The following AREL1 variants were observed in gnomAD, a reference collection of about 807,000 sequenced individuals.
AREL1 encodes the protein apoptosis resistant E3 ubiquitin protein ligase 1.
Under a neutral mutation model 99.0 loss-of-function variants are expected in AREL1, and 62 were observed. The observed-to-expected ratio is 0.63, with a 90% confidence interval of 0.51 to 0.77. The LOEUF (loss-of-function observed/expected upper bound fraction) is 0.77. Among genes scored for constraint, AREL1 ranks in the 30% least tolerant of loss-of-function variants. The pLI is 0.00. For missense variants in AREL1, 879 were observed against 1,027.6 expected (o/e 0.86, Z 1.98); for synonymous variants, 380 against 376.5 (o/e 1.01, Z -0.11).
chr14:74,679,735 G>A (rs1404912954), intron 5 of AREL1, among the ~76,000 whole-genome samples: 1 of 152,270 alleles, frequency 6.6e-6, no homozygotes, highest in Admixed American at 6.5e-5. Flanking sequence ...GGCTGAGGCA[G>A]GAGAATTGCT....
intron 15 of AREL1, among the ~76,000 whole-genome samples, chr14:74,667,889 G>A (rs751504568): frequency 1.3e-5 from 2 of 152,188 alleles, no homozygotes; most frequent in Non-Finnish European, 2.9e-5. Context: ...ATGGCTCCTC[G>A]CTAGCAATGT....
In AREL1 at chr14:74,663,999, C is replaced by T; in HGVS notation, c.2269G>A (p.Gly757Ser). The T allele has an allele frequency of 6.2e-7, 1 of 1,614,198 alleles. No homozygotes were observed. The highest frequency in any genetic ancestry group is 8.5e-7 in the Non-Finnish European group (1 of 1,180,040). Residue 757 changes from glycine (G) to serine (S), a missense_variant, in exon 19 of 20, where the codon GGC becomes AGC. Physicochemically the swap from Gly to Ser is moderately conservative, Grantham distance 56. Coordinates refer to ENST00000356357, the MANE Select transcript of AREL1 (RefSeq NM_001039479.2). The stretch of plus-strand genomic sequence containing the variant: ...CCTCCAGGTGGTAGCTGAGAGGAGC[C>T]TGTTGTGAACTGAAGTAGCCGAGCC... ...ELARLLQFTT[G>S]SSQLPPGGFA...
intron 6 of AREL1, 85 bp from the exon 7 acceptor site, chr14:74,676,406 T>C (rs2139890930): frequency 6.7e-7 from 1 of 1,496,530 alleles, no homozygotes; most frequent in South Asian, 1.3e-5. Flanking sequence ...AGCTTTCCTA[T>C]CTATGATCTA....
intron 17 of AREL1, among the ~76,000 whole-genome samples, chr14:74,666,378 G>A (rs1451612011): frequency 6.6e-6 from 1 of 152,118 alleles, no homozygotes; most frequent in East Asian, 1.9e-4. Context: ...CACCTGATAC[G>A]GACTTCAGTT....
At chr14:74,690,911 T>C (rs1280624753) in intron 2 of AREL1, 1 of 152,130 alleles carries the variant, frequency 6.6e-6, no homozygotes, top group Non-Finnish European at 1.5e-5. Flanking sequence ...CACGACAACT[T>C]GGTAAGATGA....
At chr14:74,689,587 C>CTTTTTTTTTTTTTTTT (rs1185444870) in intron 2 of AREL1, among the ~76,000 whole-genome samples, 1 of 113,714 alleles carries the variant, frequency 8.8e-6, no homozygotes, top group Non-Finnish European at 2.0e-5. Flanking sequence ...TCTTATAGCA[C>CTTTTTTTTTTTTTTTT]TTTTCTTTTT....
intron 1 of AREL1, among the ~76,000 whole-genome samples, chr14:74,696,518 A>C (rs1459302708): frequency 6.6e-6 from 1 of 152,196 alleles, no homozygotes; most frequent in Non-Finnish European, 1.5e-5. Flanking sequence ...ACATACTACT[A>C]ACTCAGTCTC....
At chr14:74,705,409 G>C (rs1305344219) in intron 1 of AREL1, among the ~76,000 whole-genome samples, 2 of 152,152 alleles carry the variant, frequency 1.3e-5, no homozygotes, top group East Asian at 1.9e-4. Flanking sequence ...CTTCAATCTA[G>C]TAAATGGAAT....
intron 3 of AREL1, 26 bp downstream of exon 3, chr14:74,685,574 T>C (rs1048696916): frequency 6.2e-6 from 10 of 1,613,638 alleles, no homozygotes; most frequent in Non-Finnish European, 8.5e-6. Context: ...AAAAATATAA[T>C]AGAGAGAGCT....
chr14:74,663,569 C>T lies in AREL1; in HGVS notation c.*151G>A. The T allele has an allele frequency of 2.5e-6, 2 of 810,152 alleles. No individual in the cohort carries two copies. Among genetic ancestry groups the T allele is most frequent in the Non-Finnish European group, 4.2e-6 (2 of 481,388 alleles). 50.2% of individuals were successfully genotyped at this position (810,152 alleles called of 1,614,324 possible). A position where few individuals can be genotyped will look rare whatever the true frequency, so the allele number is the denominator to read the frequency against. On this transcript the variant is annotated 3_prime_UTR_variant, in exon 20 of 20. Coordinates refer to ENST00000356357, the MANE Select transcript of AREL1 (RefSeq NM_001039479.2). ...GGGAGCAGGTGAGGTAAAGACAAGG[C>T]TTGTAGGTGACAAAATCCTCCAGAC...
chr14:74,699,348 G>GGTGTGTGT (rs770359342), intron 1 of AREL1, among the ~76,000 whole-genome samples: 3,317 of 143,436 alleles, frequency 0.023, 145 homozygotes, highest in African/African-American at 0.083. Context: ...GACAGTGAGG[G>GGTGTGTGT]GTGTGTGTGT....
At chr14:74,700,539 G>C (rs1028476902) in intron 1 of AREL1, among the ~76,000 whole-genome samples, 6 of 152,320 alleles carry the variant, frequency 3.9e-5, no homozygotes, top group East Asian at 3.9e-4. Flanking sequence ...AGCATTTTGG[G>C]AGGCCAAGGC....
chr14:74,674,258 A>G, intron 8 of AREL1, 147 bp from the exon 9 acceptor site: 1 of 645,448 alleles, frequency 1.5e-6, no homozygotes, highest in Non-Finnish European at 2.6e-6. Context: ...TGAGTACTAA[A>G]GTCAAATAAA....
intron 16 of AREL1, 36 bp downstream of exon 16, chr14:74,667,429 T>A: frequency 1.2e-6 from 2 of 1,614,182 alleles, no homozygotes; most frequent in Non-Finnish European, 8.5e-7. Context: ...GATACAGGTA[T>A]TTTAACTTCA....
At chr14:74,692,460 T>G in intron 1 of AREL1, 132 bp from the exon 2 acceptor site, 1 of 329,682 alleles carries the variant, frequency 3.0e-6, no homozygotes, top group Non-Finnish European at 5.8e-6. Flanking sequence ...CAAAAATTGG[T>G]AAACTCTGAC....
Position 74,684,784 on chromosome 14 carries a change from G to A in AREL1, c.17-104C>T, listed in dbSNP as rs7148840. On this transcript the variant is annotated intron_variant, in intron 3 of 19. Coordinates refer to ENST00000356357, the MANE Select transcript of AREL1 (RefSeq NM_001039479.2). ...CTCAAAAATTAAAGGAGGTCAGGAT[G>A]AGACTGTAAGACTGCCAAAGAAACA... 1,654 of 989,862 alleles carry A rather than the reference G, an allele frequency of 1.7e-3. 23 individuals are homozygous for A. In the African/African-American group the frequency reaches 0.024, roughly 14 times the overall value. 61.3% of individuals were successfully genotyped at this position (989,862 alleles called of 1,614,324 possible). A position where few individuals can be genotyped will look rare whatever the true frequency, so the allele number is the denominator to read the frequency against.
chr14:74,712,958 A>C lies in AREL1; in HGVS notation c.-359T>G. The C allele has an allele frequency of 1.4e-6, 1 of 713,514 alleles. No individual in the cohort carries two copies. Among genetic ancestry groups the C allele is most frequent in the East Asian group, 2.7e-5 (1 of 36,422 alleles). 44.2% of individuals were successfully genotyped at this position (713,514 alleles called of 1,614,324 possible). A position where few individuals can be genotyped will look rare whatever the true frequency, so the allele number is the denominator to read the frequency against. ...CCGAGCCGGGGGTTGCAGCGCGACG[A>C]AGTTCCACCTCCGCTGTCCTGGGAA... On this transcript the variant is annotated 5_prime_UTR_variant, in exon 1 of 20. Transcript: ENST00000356357.
chr14:74,666,485 A>G (rs1185143455), intron 17 of AREL1, among the ~76,000 whole-genome samples: 1 of 152,058 alleles, frequency 6.6e-6, no homozygotes. Context: ...AATATATACT[A>G]TATACTGTTT....
intron 11 of AREL1, among the ~76,000 whole-genome samples, 171 bp from the exon 12 acceptor site, chr14:74,671,654 C>A (rs1011837079): frequency 1.1e-4 from 17 of 152,324 alleles, no homozygotes; most frequent in Admixed American, 3.9e-4. Context: ...TTAAAATGCA[C>A]ATAACTTCAA....
Sources: gnomAD v4.1 joint callset for allele counts (sites outside exome capture counted in the v4.1 genomes callset) on GRCh38, gnomAD v4.1.1 for gene constraint, MANE v1.5 for transcripts, NCBI Gene and HGNC (gene_info 2026-07-23, HGNC 2026-07-21) for gene names.